DLGAP2: variants seen among roughly 807,000 people sequenced by gnomAD.
DLGAP2 encodes the protein DLG associated protein 2, also known as disks large-associated protein 2.
In DLGAP2, 26 loss-of-function variants were observed where a neutral mutation model predicts 100.3. That is an observed-to-expected ratio of 0.26 (90% CI 0.19 to 0.36). The LOEUF (loss-of-function observed/expected upper bound fraction) is 0.36, where lower values mean the gene tolerates loss of function less well. Ranked by LOEUF, DLGAP2 falls within the 10% of genes least tolerant of loss-of-function variation. DLGAP2 has a pLI of 1.00. For synonymous variants in DLGAP2, 886 were observed against 630.1 expected, an observed-to-expected ratio of 1.41 and a Z score of -6.08; for missense variants, 1,858 against 1,453.2, an observed-to-expected ratio of 1.28 and a Z score of -4.53.
intron 3 of DLGAP2, among the ~76,000 whole-genome samples, chr8:1,272,844 A>C (rs1388100394): frequency 1.3e-5 from 2 of 152,158 alleles, no homozygotes; most frequent in Non-Finnish European, 2.9e-5. Flanking sequence ...TCACTGTTGT[A>C]AACATCTGTA....
intron 1 of DLGAP2, among the ~76,000 whole-genome samples, chr8:837,893 GTT>G (rs972429747): frequency 5.3e-5 from 6 of 113,368 alleles, no homozygotes; most frequent in Non-Finnish European, 1.0e-4. Context: ...GTTGTTTTTT[GTT>G]TTTTTTTTTT....
rs115982348 is a variant in DLGAP2 at position 1,193,789 on chromosome 8, C to G, written c.74-65062C>G. 4.0e-3 allele frequency among the ~76,000 whole-genome samples: 614 copies of G among 152,170 alleles called. 2 individuals carry two copies. The highest frequency in any genetic ancestry group is 0.014 in the African/African-American group (591 of 41,544). ...AGTCTCGGCCTCTAGAGCCTCCGCA[C>G]CATGCCCCCTGCAGCCAGCACCTGA... On this transcript the variant is annotated intron_variant, in intron 2 of 14. Transcript: ENST00000637795.
chr8:776,439 T>C (rs980412897), intron 1 of DLGAP2, among the ~76,000 whole-genome samples: 24 of 152,304 alleles, frequency 1.6e-4, no homozygotes, highest in African/African-American at 5.5e-4. Context: ...TGAATTGTGA[T>C]GTTAGGGTGT....
chr8:1,623,590 TGATGACCTGGCACCAGTGTGC>T (rs1401547368), intron 6 of DLGAP2, among the ~76,000 whole-genome samples: 5 of 149,210 alleles, frequency 3.4e-5, no homozygotes, highest in African/African-American at 1.2e-4. Context: ...CACCAGTGTG[TGATGACCTGGCACCAGTGTGC>T]GATGACGTGG....
chr8:876,368 G>C (rs1436346186), intron 1 of DLGAP2, among the ~76,000 whole-genome samples: 2 of 152,088 alleles, frequency 1.3e-5, no homozygotes, highest in African/African-American at 4.8e-5. Context: ...TCTTTATTTT[G>C]TCTTCATTTT....
rs76413559 is a variant in DLGAP2, at chr8:1,323,514, G to A, written c.106+64631G>A. ...GCTCCTGCTGTACCAGGTTGCAGAC[G>A]CAGTACCAGGGCGAGTGTAGTGCGG... On this transcript the variant is annotated intron_variant, in intron 3 of 14. Transcript: ENST00000637795. Among the ~76,000 whole-genome samples, 1,194 of 152,278 alleles carry A rather than the reference G, an allele frequency of 7.8e-3. 14 individuals carry two copies. The highest frequency in any genetic ancestry group is 0.028 in the African/African-American group (1,152 of 41,546).
chr8:1,377,397 A>T (rs1289885913), intron 3 of DLGAP2, among the ~76,000 whole-genome samples: 1 of 152,198 alleles, frequency 6.6e-6, no homozygotes, highest in Non-Finnish European at 1.5e-5. Context: ...ACAAAAAATT[A>T]GCCAGGCGAG....
intron 13 of DLGAP2, among the ~76,000 whole-genome samples, chr8:1,693,733 C>A (rs1438092833): frequency 6.6e-6 from 1 of 152,098 alleles, no homozygotes; most frequent in African/African-American, 2.4e-5. Context: ...CTGAAGTTCA[C>A]GGCGATTTTA....
chr8:1,656,839 G>T (rs4576449), intron 8 of DLGAP2, among the ~76,000 whole-genome samples: 49,851 of 152,066 alleles, frequency 0.33, 8,369 homozygotes, highest in East Asian at 0.48. Context: ...GGCAAAGCAT[G>T]TTACACAGTT....
chr8:1,124,963 C>T (rs192908840), intron 2 of DLGAP2, among the ~76,000 whole-genome samples: 24 of 152,276 alleles, frequency 1.6e-4, no homozygotes, highest in African/African-American at 5.1e-4. Flanking sequence ...CGCTGACTGT[C>T]CAGCACCTGC....
chr8:1,341,468 G>C (rs961454494), intron 3 of DLGAP2, among the ~76,000 whole-genome samples: 3 of 152,050 alleles, frequency 2.0e-5, no homozygotes, highest in Non-Finnish European at 2.9e-5. Context: ...ACACATATAG[G>C]CGTATTTAAT....
intron 2 of DLGAP2, among the ~76,000 whole-genome samples, chr8:1,169,273 T>G (rs1444254927): frequency 2.0e-5 from 3 of 152,254 alleles, no homozygotes; most frequent in African/African-American, 7.2e-5. Flanking sequence ...CATGCTGTTT[T>G]GGTTACTGTA....
chr8:1,686,221 T>C (rs1363757973), intron 12 of DLGAP2, among the ~76,000 whole-genome samples: 1 of 152,142 alleles, frequency 6.6e-6, no homozygotes, highest in African/African-American at 2.4e-5. Flanking sequence ...AAGAAAGTAA[T>C]GTGTGTGAAT....
chr8:1,247,095 C>T (rs369144501), intron 2 of DLGAP2: 211 of 99,164 alleles, frequency 2.1e-3, no homozygotes, highest in African/African-American at 7.4e-3. Context: ...CGTCGGTGGC[C>T]GGCAAGACCT....
intron 2 of DLGAP2, among the ~76,000 whole-genome samples, chr8:1,217,095 C>T (rs753902563): frequency 6.6e-6 from 1 of 152,124 alleles, no homozygotes; most frequent in Non-Finnish European, 1.5e-5. Flanking sequence ...GGTTTTTCAA[C>T]ACTCTCCCTC....
intron 2 of DLGAP2, among the ~76,000 whole-genome samples, chr8:1,092,386 T>C (rs1428616695): frequency 1.3e-5 from 2 of 152,188 alleles, no homozygotes; most frequent in Non-Finnish European, 2.9e-5. Flanking sequence ...AGGCCTCTTA[T>C]AGCCTTTGCC....
chr8:1,590,914 C>A (rs554447277), intron 6 of DLGAP2, among the ~76,000 whole-genome samples: 2 of 152,368 alleles, frequency 1.3e-5, no homozygotes, highest in Non-Finnish European at 2.9e-5. Context: ...CTTAACCATT[C>A]TTTAAGCCAC....
At chr8:796,760 G>A (rs887725143) in intron 1 of DLGAP2, among the ~76,000 whole-genome samples, 3 of 152,220 alleles carry the variant, frequency 2.0e-5, no homozygotes, top group East Asian at 1.9e-4. Flanking sequence ...CCCCATGCCC[G>A]CACTATAACA....
At chr8:1,146,241 G>A (rs1025686857) in intron 2 of DLGAP2, among the ~76,000 whole-genome samples, 1 of 152,174 alleles carries the variant, frequency 6.6e-6, no homozygotes, top group Non-Finnish European at 1.5e-5. Flanking sequence ...CGGTCACCTC[G>A]AACGTCTTTT....
Sources: allele counts gnomAD v4.1 joint callset (sites outside exome capture counted in the v4.1 genomes callset), GRCh38; gene constraint gnomAD v4.1.1; transcripts MANE v1.5; gene names NCBI Gene and HGNC (gene_info 2026-07-23, HGNC 2026-07-21).